Variants in GRID1 observed in about 807,000 individuals in gnomAD.
The protein encoded by GRID1 is glutamate ionotropic receptor delta type subunit 1.
In GRID1, 28 loss-of-function variants were observed where a neutral mutation model predicts 98.0. The observed-to-expected ratio is 0.29, with a 90% CI of 0.21 to 0.39. The LOEUF is 0.39. Among genes scored for constraint, GRID1 ranks in the 10% least tolerant of loss-of-function variants. GRID1 has a pLI of 1.00. For missense variants in GRID1, 1,111 were observed against 1,340.5 expected (o/e 0.83, Z 2.67); for synonymous variants, 553 against 538.5 (o/e 1.03, Z -0.37).
chr10:85,664,104 A>T (rs1259138109), intron 12 of GRID1, among the ~76,000 whole-genome samples: 1 of 152,192 alleles, frequency 6.6e-6, no homozygotes, highest in African/African-American at 2.4e-5. Flanking sequence ...GCATGACATG[A>T]AGGCACTGAG....
At chr10:85,854,347 C>A (rs746172137) in intron 8 of GRID1, 149 bp downstream of exon 8, 301 of 738,894 alleles carry the variant, frequency 4.1e-4, no homozygotes, top group South Asian at 7.1e-4. Context: ...CTATAAACAC[C>A]AGCCAATGGT....
intron 3 of GRID1, among the ~76,000 whole-genome samples, chr10:86,167,755 A>G (rs1564695365): frequency 6.6e-6 from 1 of 152,176 alleles, no homozygotes; most frequent in Non-Finnish European, 1.5e-5. Flanking sequence ...GTTAGACACA[A>G]AGTAGGACTG....
At chr10:85,882,548 C>T (rs886080819) in intron 5 of GRID1, among the ~76,000 whole-genome samples, 1 of 152,142 alleles carries the variant, frequency 6.6e-6, no homozygotes, top group South Asian at 2.1e-4. Context: ...CGCATGTTCT[C>T]ACTCATAGAT....
At chr10:85,909,390 T>G (rs999238132) in intron 5 of GRID1, among the ~76,000 whole-genome samples, 1 of 152,204 alleles carries the variant, frequency 6.6e-6, no homozygotes, top group Non-Finnish European at 1.5e-5. Context: ...CAATTCCACT[T>G]GTAGGTATGA....
In GRID1 at chr10:85,602,181, G is replaced by T. The variant is rs79391231; in HGVS notation, c.*92C>A. The T allele has an allele frequency of 1.4e-6, 1 of 696,704 alleles. No homozygotes were observed. The highest frequency in any genetic ancestry group is 2.0e-5 in the South Asian group (1 of 50,798). 43.2% of individuals were successfully genotyped at this position (696,704 alleles called of 1,614,324 possible). A position where few individuals can be genotyped will look rare whatever the true frequency, so the allele number is the denominator to read the frequency against. On this transcript the variant is annotated 3_prime_UTR_variant, in exon 16 of 16. Transcript: ENST00000327946. ...AGTCTCTGTGTATGTGTGTGTGTGC[G>T]AGTGTGTGTGGTTTGTGTTGTTGTT...
intron 4 of GRID1, among the ~76,000 whole-genome samples, chr10:85,943,172 G>T (rs954338999): frequency 2.0e-5 from 3 of 152,060 alleles, no homozygotes; most frequent in African/African-American, 7.2e-5. Flanking sequence ...AAATTGTTAT[G>T]TCAAAGGATA....
chr10:86,325,077 C>T (rs1336471569), intron 2 of GRID1, among the ~76,000 whole-genome samples: 3 of 152,110 alleles, frequency 2.0e-5, no homozygotes, highest in African/African-American at 7.2e-5. Context: ...GCAAAATTAA[C>T]AATAATTGAA....
chr10:86,339,094 A>G (rs1848272111), intron 2 of GRID1, among the ~76,000 whole-genome samples: 1 of 152,150 alleles, frequency 6.6e-6, no homozygotes, highest in South Asian at 2.1e-4. Context: ...TCCACGTACC[A>G]TGTCCACCCT....
chr10:85,833,516 A>T (rs1256854954), intron 8 of GRID1, among the ~76,000 whole-genome samples: 2 of 149,046 alleles, frequency 1.3e-5, no homozygotes, highest in South Asian at 2.1e-4. Flanking sequence ...CCAGGATATA[A>T]CTCCCAACAA....
chr10:85,867,911 T>C (rs1843237348), intron 6 of GRID1, among the ~76,000 whole-genome samples: 1 of 152,152 alleles, frequency 6.6e-6, no homozygotes, highest in Non-Finnish European at 1.5e-5. Context: ...TCTCCACATA[T>C]GAGATTATAG....
At chr10:85,698,191 T>C (rs1050815704) in intron 12 of GRID1, among the ~76,000 whole-genome samples, 1 of 152,174 alleles carries the variant, frequency 6.6e-6, no homozygotes, top group Admixed American at 6.5e-5. Context: ...ATTCAGATCA[T>C]ATCCAACTGT....
intron 3 of GRID1, among the ~76,000 whole-genome samples, chr10:86,191,745 A>G (rs1845805492): frequency 6.6e-6 from 1 of 152,066 alleles, no homozygotes; most frequent in Admixed American, 6.5e-5. Flanking sequence ...TCATCCCTCG[A>G]GCCCTGGGAG....
chr10:86,009,305 T>G (rs994207672), intron 4 of GRID1, among the ~76,000 whole-genome samples: 1 of 152,156 alleles, frequency 6.6e-6, no homozygotes, highest in African/African-American at 2.4e-5. Flanking sequence ...AAACGAAATT[T>G]CTACCCAAGC....
chr10:86,251,757 G>A (rs1014364444), intron 2 of GRID1, among the ~76,000 whole-genome samples: 2 of 152,166 alleles, frequency 1.3e-5, no homozygotes, highest in Admixed American at 6.5e-5. Context: ...CCAGGGGTCA[G>A]GAAGCACAGA....
At chr10:85,910,488 C>T (rs772799672) in intron 5 of GRID1, among the ~76,000 whole-genome samples, 10 of 152,202 alleles carry the variant, frequency 6.6e-5, no homozygotes, top group Non-Finnish European at 1.5e-4. Flanking sequence ...ACAGAGGCCA[C>T]TCTAAGGGCA....
At chr10:85,602,806 G>T in intron 15 of GRID1, 105 bp from the exon 16 acceptor site, 1 of 771,126 alleles carries the variant, frequency 1.3e-6, no homozygotes. Flanking sequence ...TCAGCCTGTT[G>T]GGCTGTGGGC....
chr10:85,910,129 G>A (rs1041185730), intron 5 of GRID1, among the ~76,000 whole-genome samples: 6 of 152,274 alleles, frequency 3.9e-5, no homozygotes, highest in African/African-American at 7.2e-5. Flanking sequence ...CAAGTAAAAA[G>A]ATTATGACAA....
rs76097378 is a variant in GRID1 at position 85,647,347 on chromosome 10, C to G, written c.2048G>C (p.Arg683Pro). 4 of 1,614,206 alleles carry G rather than the reference C, an allele frequency of 2.5e-6. No homozygotes were observed. Among genetic ancestry groups the G allele is most frequent in the Non-Finnish European group, 3.4e-6 (4 of 1,180,006 alleles). Residue 683 changes from arginine to proline, a missense_variant, in exon 13 of 16, where the codon CGG becomes CCG. Physicochemically the swap from Arg to Pro is moderately radical, Grantham distance 103. Transcript: ENST00000327946. Reference protein sequence around the residue: ...KQVEMSYGTVRDSAVYEYFRA... With the variant: ...KQVEMSYGTVPDSAVYEYFRA... ...GAAGTACTCATATACAGCAGAATCCCGGACAGTGCCATAAGACATTTCCAC... is the reference window on the plus strand; with the variant it reads ...GAAGTACTCATATACAGCAGAATCCGGGACAGTGCCATAAGACATTTCCAC...
rs73334787 is a variant in GRID1 at position 85,844,235 on chromosome 10, T to G, written c.1233+10261A>C. On this transcript the variant is annotated intron_variant, in intron 8 of 15. Transcript: ENST00000327946. Reference sequence around the variant, plus strand: ...TTTAAATGACAAAATTTTAGAAATGTAGAATAGAAAATATTATGGTTATCA... The same window carrying G: ...TTTAAATGACAAAATTTTAGAAATGGAGAATAGAAAATATTATGGTTATCA... 5.7e-3 allele frequency among the ~76,000 whole-genome samples: 867 copies of G among 152,064 alleles called. 8 individuals carry two copies. Among genetic ancestry groups the G allele is most frequent in the African/African-American group, 0.02 (815 of 41,480 alleles).
Sources: gnomAD v4.1 joint callset for allele counts (sites outside exome capture counted in the v4.1 genomes callset) on GRCh38, gnomAD v4.1.1 for gene constraint, MANE v1.5 for transcripts, NCBI Gene and HGNC (gene_info 2026-07-23, HGNC 2026-07-21) for gene names.